Variants in MACROD2 observed in about 807,000 individuals in gnomAD.
MACROD2 encodes ADP-ribose glycohydrolase MACROD2.
MACROD2 carries 36 observed loss-of-function variants against 70.4 expected under a neutral mutation model. That is an observed-to-expected ratio of 0.51 (90% CI 0.39 to 0.68). The LOEUF (loss-of-function observed/expected upper bound fraction) is 0.68. Among genes scored for constraint, MACROD2 ranks in the 30% least tolerant of loss-of-function variants. The pLI, the probability that MACROD2 is intolerant of heterozygous loss-of-function variation, is 0.00. For synonymous variants in MACROD2, 172 were observed against 178.8 expected (o/e 0.96, Z 0.30); for missense variants, 496 against 538.4 (o/e 0.92, Z 0.78).
At chr20:15,174,952 G>A (rs1014151572) in intron 5 of MACROD2, among the ~76,000 whole-genome samples, 2 of 151,840 alleles carry the variant, frequency 1.3e-5, no homozygotes, top group Non-Finnish European at 2.9e-5. Context: ...CCATTTTGTA[G>A]GTTGCCTGTT....
intron 8 of MACROD2, among the ~76,000 whole-genome samples, chr20:15,788,638 T>C (rs1353053060): frequency 4.6e-5 from 7 of 152,138 alleles, no homozygotes; most frequent in Admixed American, 4.6e-4. Flanking sequence ...TTTGCAGATA[T>C]AGTGAAGGAA....
chr20:15,418,728 G>C (rs1054561213), intron 6 of MACROD2, among the ~76,000 whole-genome samples: 5 of 152,212 alleles, frequency 3.3e-5, no homozygotes, highest in Admixed American at 2.6e-4. Flanking sequence ...ACACGTGAAA[G>C]ACAGAATCCC....
At chr20:15,565,856 T>C (rs918252589) in intron 8 of MACROD2, among the ~76,000 whole-genome samples, 25 of 152,106 alleles carry the variant, frequency 1.6e-4, no homozygotes, top group African/African-American at 5.6e-4. Flanking sequence ...CTGGTATTCT[T>C]TTAGTAGTGC....
chr20:14,833,342 A>G (rs888294478), intron 5 of MACROD2, among the ~76,000 whole-genome samples: 1 of 152,086 alleles, frequency 6.6e-6, no homozygotes, highest in African/African-American at 2.4e-5. Context: ...TGAGAGAATC[A>G]AAGTCCTTAA....
intron 5 of MACROD2, among the ~76,000 whole-genome samples, chr20:15,185,729 G>A (rs932224412): frequency 6.6e-6 from 1 of 152,104 alleles, no homozygotes; most frequent in Non-Finnish European, 1.5e-5. Flanking sequence ...AGAAATCTCA[G>A]TTTCTAAACT....
chr20:16,047,516 T>G (rs2147625333), intron 17 of MACROD2, among the ~76,000 whole-genome samples: 1 of 152,284 alleles, frequency 6.6e-6, no homozygotes, highest in African/African-American at 2.4e-5. Context: ...AGGTTGAGCT[T>G]TAAGAGGCTT....
chr20:15,970,558 T>C (rs1251269807), intron 13 of MACROD2, among the ~76,000 whole-genome samples: 1 of 151,446 alleles, frequency 6.6e-6, no homozygotes, highest in Non-Finnish European at 1.5e-5. Flanking sequence ...GCCTGGAGAG[T>C]TTCCAGGCTG....
intron 6 of MACROD2, among the ~76,000 whole-genome samples, chr20:15,270,917 C>T (rs1253222352): frequency 6.6e-6 from 1 of 152,166 alleles, no homozygotes; most frequent in Non-Finnish European, 1.5e-5. Flanking sequence ...TAAGCACACC[C>T]TTTTCGGTTC....
rs575582085 is a variant in MACROD2, at chr20:14,958,694, C to T, written c.419-271246C>T. Among the ~76,000 whole-genome samples, 5 of 152,286 alleles carry T rather than the reference C, an allele frequency of 3.3e-5. No homozygotes were observed. The East Asian group carries it at 9.6e-4, about 29-fold the overall frequency. The stretch of plus-strand genomic sequence containing the variant: ...GTAACCTATTCCTAATCAGAAATCT[C>T]AAGCTTTGCCCTGTAGGCCATTTCT... On this transcript the variant is annotated intron_variant, in intron 5 of 17. Coordinates refer to ENST00000684519, the MANE Select transcript of MACROD2 (RefSeq NM_001351661.2).
At chr20:14,426,904 G>A (rs916594460) in intron 3 of MACROD2, among the ~76,000 whole-genome samples, 2 of 151,966 alleles carry the variant, frequency 1.3e-5, no homozygotes, top group Non-Finnish European at 2.9e-5. Flanking sequence ...AAATGAAGAG[G>A]GACATTTAAC....
intron 8 of MACROD2, among the ~76,000 whole-genome samples, chr20:15,717,134 GA>G (rs1416411441): frequency 2.0e-5 from 3 of 152,152 alleles, no homozygotes; most frequent in East Asian, 1.9e-4. Context: ...TAGTTTTAGA[GA>G]AAAATTAAAA....
intron 7 of MACROD2, among the ~76,000 whole-genome samples, chr20:15,437,344 G>A (rs1019375810): frequency 1.3e-5 from 2 of 152,064 alleles, no homozygotes; most frequent in African/African-American, 4.8e-5. Context: ...CCATTGCACA[G>A]TGAGGTCCAA....
At chr20:14,145,807 T>C (rs2054935610) in intron 3 of MACROD2, among the ~76,000 whole-genome samples, 1 of 152,212 alleles carries the variant, frequency 6.6e-6, no homozygotes. Context: ...TTATTGTAAA[T>C]GTACAAATTT....
At chr20:15,200,064 A>G (rs144189435) in intron 5 of MACROD2, among the ~76,000 whole-genome samples, 26 of 87,506 alleles carry the variant, frequency 3.0e-4, no homozygotes, top group African/African-American at 1.7e-3. Flanking sequence ...AGAGGAGAAA[A>G]ATTATCTTCT....
rs11358439 is a variant in MACROD2 at position 14,718,292 on chromosome 20, C to CAAAAAAAA, written c.418+33352_418+33359dup. On this transcript the variant is annotated intron_variant, in intron 5 of 17. Coordinates refer to ENST00000684519, the MANE Select transcript of MACROD2 (RefSeq NM_001351661.2). ...TGGGCGACAGAGAGAGACTCTGTCT[C>CAAAAAAAA]AAAAAAAAAAAAAAAAAAAAAAAAA... Among the ~76,000 whole-genome samples the CAAAAAAAA allele has an allele frequency of 3.8e-4, 21 of 54,644 alleles. 1 individual carries two copies. Among genetic ancestry groups the CAAAAAAAA allele is most frequent in the East Asian group, 6.0e-4 (1 of 1,670 alleles). 35.8% of individuals were successfully genotyped at this position (54,644 alleles called of 152,430 possible).
At chr20:14,272,401 A>G (rs2082204385) in intron 3 of MACROD2, among the ~76,000 whole-genome samples, 1 of 152,034 alleles carries the variant, frequency 6.6e-6, no homozygotes, top group African/African-American at 2.4e-5. Context: ...ACTAAGCTTC[A>G]TAAGTGAAGG....
At chr20:15,939,139 A>C (rs928446578) in intron 12 of MACROD2, among the ~76,000 whole-genome samples, 2 of 152,228 alleles carry the variant, frequency 1.3e-5, no homozygotes, top group African/African-American at 4.8e-5. Flanking sequence ...CTGATGTAAA[A>C]GCTGCAGCAA....
chr20:14,469,635 C>A (rs199638873), intron 3 of MACROD2, among the ~76,000 whole-genome samples: 1 of 151,850 alleles, frequency 6.6e-6, no homozygotes, highest in Admixed American at 6.6e-5. Context: ...TTTTCATTCT[C>A]TTTTTCTCTA....
At chr20:15,233,977 ATT>A (rs1491559810) in intron 6 of MACROD2, among the ~76,000 whole-genome samples, 965 of 44,020 alleles carry the variant, frequency 0.022, 83 homozygotes, top group African/African-American at 0.037. Context: ...TTTTATATAT[ATT>A]TATTTATATA....
Sources: allele counts gnomAD v4.1 joint callset (sites outside exome capture counted in the v4.1 genomes callset), GRCh38; gene constraint gnomAD v4.1.1; transcripts MANE v1.5; gene names NCBI Gene and HGNC (gene_info 2026-07-23, HGNC 2026-07-21).